The following YTHDC1 variants were observed in gnomAD, a reference collection of about 807,000 sequenced individuals.
The protein encoded by YTHDC1 is YTH domain-containing protein 1.
Under a neutral mutation model 107.0 loss-of-function variants are expected in YTHDC1, and 12 were observed. The ratio of observed to expected loss-of-function variants is 0.11; its 90% CI spans 0.07 to 0.18. The LOEUF (loss-of-function observed/expected upper bound fraction) is 0.18. YTHDC1 is among the 10% of genes least tolerant of loss of function. The pLI, the probability that YTHDC1 is intolerant of heterozygous loss-of-function variation, is 1.00. For synonymous variants in YTHDC1, 280 were observed against 289.5 expected (o/e 0.97, Z 0.33); for missense variants, 635 against 898.8 (o/e 0.71, Z 3.75).
chr4:68,332,070 T>C (rs556408437), intron 7 of YTHDC1, 33 bp downstream of exon 7: 1 of 1,404,868 alleles, frequency 7.1e-7, no homozygotes, highest in Non-Finnish European at 9.8e-7. Flanking sequence ...AATTTTGATA[T>C]TAGGATAGTT....
intron 1 of YTHDC1, among the ~76,000 whole-genome samples, chr4:68,344,924 A>G (rs1725251044): frequency 6.6e-6 from 1 of 152,164 alleles, no homozygotes; most frequent in East Asian, 1.9e-4. Context: ...TCAGCTACTT[A>G]GGAAGCTGAA....
At chr4:68,314,432 G>C (rs1483692908) in intron 16 of YTHDC1, 109 bp from the exon 17 acceptor site, 2 of 925,306 alleles carry the variant, frequency 2.2e-6, no homozygotes, top group Non-Finnish European at 3.1e-6. Flanking sequence ...TATAAAAAAA[G>C]AAAAGTCTCT....
rs1721861391 is a variant in YTHDC1 at position 68,316,391 on chromosome 4, G to A, written c.1882C>T (p.Pro628Ser). The change falls in exon 16 of 17, where the codon CCA becomes TCA. Residue 628 changes from proline to serine, a missense_variant. Around this residue, in one of 5 missense-constraint regions of YTHDC1, gnomAD observed 256 missense variants for 372.9 expected, o/e 0.69. Transcript: ENST00000344157. ...TAAGGGGGATGAGCTTGAGGAGGTG[G>A]AGCATGGTGCTGATAGTAAGGATGG... ...PHHPYYQHHA[P>S]PPQAHPPYSG... 1 of 1,613,946 alleles carries A rather than the reference G, an allele frequency of 6.2e-7. No homozygotes were observed. Among genetic ancestry groups the A allele is most frequent in the South Asian group, 1.1e-5 (1 of 91,076 alleles).
At chr4:68,333,696 G>C (rs958826755) in intron 4 of YTHDC1, among the ~76,000 whole-genome samples, 23 of 151,972 alleles carry the variant, frequency 1.5e-4, no homozygotes, top group Admixed American at 1.2e-3. Context: ...AAGCGGGGGG[G>C]GAAATTTGCA....
Position 68,316,223 on chromosome 4 carries a change from C to T in YTHDC1, c.1959+91G>A, listed in dbSNP as rs559671708. 102 of 1,375,132 alleles carry T rather than the reference C, an allele frequency of 7.4e-5. No homozygotes were observed. In the African/African-American group the frequency reaches 8.2e-4, roughly 11 times the overall value. The allele number at this position is 1,375,132 out of a possible 1,614,324, so 85.2% of individuals were successfully genotyped here. On this transcript the variant is annotated intron_variant, in intron 16 of 16. Transcript: ENST00000344157. ...TCTGCAGTAAGAATATGCAATGGTC[C>T]GTCAATCATCATACTCTGGTCTCCC...
At chr4:68,334,790 G>A (rs1723972922) in intron 4 of YTHDC1, among the ~76,000 whole-genome samples, 1 of 152,082 alleles carries the variant, frequency 6.6e-6, no homozygotes, top group African/African-American at 2.4e-5. Flanking sequence ...TTGGGAGGTC[G>A]AGGCAGGCGG....
chr4:68,324,921 A>G (rs1160748271), intron 9 of YTHDC1, among the ~76,000 whole-genome samples: 1 of 152,166 alleles, frequency 6.6e-6, no homozygotes, highest in African/African-American at 2.4e-5. Flanking sequence ...CCAAACTTAA[A>G]AAGATATCCT....
At position 68,329,986 on chromosome 4, in the gene YTHDC1, G is replaced by C. The variant is rs751900108; in HGVS notation, c.1349+16C>G. ...ATTCAAAATTTCAGTTATCTATACT[G>C]AAGTGTATAATTTACCTGCAAATCC... On this transcript the variant is annotated intron_variant, in intron 9 of 16. Coordinates refer to ENST00000344157, the MANE Select transcript of YTHDC1 (RefSeq NM_001031732.4). 3.8e-6 allele frequency: 6 copies of C among 1,579,764 alleles called. No homozygotes were observed. The highest frequency in any genetic ancestry group is 5.2e-6 in the Non-Finnish European group (6 of 1,149,454).
In YTHDC1 at chr4:68,310,776, T is replaced by TTAAC. The variant is rs1432940017; in HGVS notation, c.*3319_*3322dup. On this transcript the variant is annotated 3_prime_UTR_variant, in exon 17 of 17. Coordinates refer to ENST00000344157, the MANE Select transcript of YTHDC1 (RefSeq NM_001031732.4). ...GGTCAGGGAACTCTAGCTTGGTCAG[T>TTAAC]TAACTGCTGGCAACAGTTCCTTCTT... 7.9e-5 allele frequency: 12 copies of TTAAC among 152,216 alleles called. No homozygotes were observed. Among genetic ancestry groups the TTAAC allele is most frequent in the Non-Finnish European group, 1.5e-4 (10 of 68,044 alleles). The allele number at this position is 152,216 out of a possible 1,614,324, so 9.4% of individuals were successfully genotyped here. A position where few individuals can be genotyped will look rare whatever the true frequency, so the allele number is the denominator to read the frequency against.
At chr4:68,333,464 A>AC in intron 4 of YTHDC1, 67 bp from the exon 5 acceptor site, 1 of 1,155,152 alleles carries the variant, frequency 8.7e-7, no homozygotes, top group Non-Finnish European at 1.3e-6. Flanking sequence ...TCAAACAAGA[A>AC]TGTATCATTA....
At chr4:68,316,517 C>T in intron 15 of YTHDC1, 69 bp from the exon 16 acceptor site, 1 of 1,535,868 alleles carries the variant, frequency 6.5e-7, no homozygotes. Context: ...TCTTAGAACC[C>T]TTCATCCAAA....
rs920584600 is a variant in YTHDC1 at position 68,337,459 on chromosome 4, T to G, written c.460-9A>C. On this transcript the variant is annotated splice_polypyrimidine_tract_variant and intron_variant, in intron 3 of 16. Transcript: ENST00000344157. ...ACTTCAAGCCCAATTCTCTGATGTT[T>G]AAAGAAAAAGGGAATCAGCAGTCAT... The G allele has an allele frequency of 1.2e-6, 2 of 1,610,486 alleles. No homozygotes were observed. Among genetic ancestry groups the G allele is most frequent in the East Asian group, 4.5e-5 (2 of 44,846 alleles).
intron 4 of YTHDC1, 95 bp from the exon 5 acceptor site, chr4:68,333,492 T>C (rs1723819435): frequency 7.3e-6 from 6 of 816,926 alleles, no homozygotes; most frequent in Non-Finnish European, 7.9e-6. Context: ...AGTTTTTGCA[T>C]AGCCCTTCTA....
intron 2 of YTHDC1, 34 bp downstream of exon 2, chr4:68,338,249 T>C: frequency 6.5e-7 from 1 of 1,546,710 alleles, no homozygotes; most frequent in Non-Finnish European, 8.8e-7. Context: ...ATTTATACTG[T>C]TATTTCAACA....
chr4:68,343,528 A>C (rs1232115975), intron 1 of YTHDC1, among the ~76,000 whole-genome samples: 3 of 108,704 alleles, frequency 2.8e-5, no homozygotes, highest in Admixed American at 1.7e-4. Flanking sequence ...AATCTTTAAA[A>C]AAAAAAAAAA....
intron 7 of YTHDC1, among the ~76,000 whole-genome samples, 194 bp downstream of exon 7, chr4:68,331,909 A>C (rs1228699641): frequency 1.1e-5 from 1 of 89,616 alleles, no homozygotes; most frequent in South Asian, 3.4e-4. Context: ...AAATCATCTT[A>C]AAAAAAAAAA....
At chr4:68,340,608 T>TA (rs1014490377) in intron 1 of YTHDC1, among the ~76,000 whole-genome samples, 1 of 152,070 alleles carries the variant, frequency 6.6e-6, no homozygotes, top group African/African-American at 2.4e-5. Context: ...AGATGTTTAA[T>TA]AAGTACTGGG....
intron 1 of YTHDC1, among the ~76,000 whole-genome samples, chr4:68,340,396 G>A (rs1024000504): frequency 2.0e-5 from 3 of 151,888 alleles, no homozygotes; most frequent in Non-Finnish European, 4.4e-5. Flanking sequence ...AATGAAAACA[G>A]GCTATATGGG....
chr4:68,349,591 G>A, intron 1 of YTHDC1, 135 bp downstream of exon 1: 1 of 1,385,530 alleles, frequency 7.2e-7, no homozygotes, highest in South Asian at 1.3e-5. Context: ...GTGTCTCGGT[G>A]GGGGCCACCG....
Sources: gnomAD v4.1 joint callset for allele counts (sites outside exome capture counted in the v4.1 genomes callset) on GRCh38, gnomAD v4.1.1 for gene constraint, gnomAD v4.1.1 regional missense constraint, MANE v1.5 for transcripts, NCBI Gene and HGNC (gene_info 2026-07-23, HGNC 2026-07-21) for gene names.